SV2C: variants seen among roughly 807,000 people sequenced by gnomAD.
SV2C encodes the protein synaptic vesicle glycoprotein 2C.
Under a neutral mutation model 79.7 loss-of-function variants are expected in SV2C, and 49 were observed. The ratio of observed to expected loss-of-function variants is 0.61; its 90% CI spans 0.49 to 0.78. The LOEUF is 0.78. SV2C is among the 30% of genes least tolerant of loss of function. SV2C has a pLI of 0.00. For missense variants in SV2C, 833 were observed against 912.9 expected (o/e 0.91, Z 1.13); for synonymous variants, 334 against 333.2 (o/e 1.00, Z -0.03).
the SV2C span, among the ~76,000 whole-genome samples, chr5:75,988,835 A>G: frequency 6.6e-6 from 1 of 151,988 alleles, no homozygotes; most frequent in East Asian, 1.9e-4. Flanking sequence ...CTCTACAGAC[A>G]GGATAGAAAT....
chr5:76,295,660 T>A lies in SV2C; in HGVS notation c.1338-118T>A, dbSNP rs1329470541. 7 of 919,832 alleles carry A rather than the reference T, an allele frequency of 7.6e-6. No homozygotes were observed. The Admixed American group carries it at 1.1e-4, about 14-fold the overall frequency. The allele number at this position is 919,832 out of a possible 1,614,324, so 57.0% of individuals were successfully genotyped here. ...TTGCTGTATGATGAATTACTCATAA[T>A]GTTATAGGGAGCCAGCCATTCTCCG... On this transcript the variant is annotated intron_variant, in intron 8 of 12. Coordinates refer to ENST00000502798, the MANE Select transcript of SV2C (RefSeq NM_014979.4).
the SV2C span, among the ~76,000 whole-genome samples, chr5:75,993,687 C>G: frequency 6.6e-6 from 1 of 152,016 alleles, no homozygotes; most frequent in Non-Finnish European, 1.5e-5. Context: ...GAGTTTGCAT[C>G]CTTGTTCTCT....
At chr5:76,307,349 A>T (rs550060329) in intron 12 of SV2C, among the ~76,000 whole-genome samples, 1 of 152,354 alleles carries the variant, frequency 6.6e-6, no homozygotes, top group East Asian at 1.9e-4. Flanking sequence ...AGATACAGAG[A>T]ACAAAAAGCA....
chr5:75,860,504 C>T, the SV2C span, among the ~76,000 whole-genome samples: 4 of 152,094 alleles, frequency 2.6e-5, no homozygotes, highest in East Asian at 3.9e-4. Context: ...ATTAAAGTGG[C>T]CATAGTGCCC....
the SV2C span, among the ~76,000 whole-genome samples, chr5:75,946,125 G>A: frequency 6.6e-6 from 1 of 151,906 alleles, no homozygotes; most frequent in Non-Finnish European, 1.5e-5. Context: ...TCTGTGTAGA[G>A]ATGAAAGAAT....
chr5:76,211,899 G>T (rs1242748931), intron 4 of SV2C, among the ~76,000 whole-genome samples: 2 of 152,152 alleles, frequency 1.3e-5, no homozygotes, highest in Non-Finnish European at 2.9e-5. Context: ...ACAAAAGCAA[G>T]ATATAAGGAA....
chr5:76,127,739 T>C (rs988780750), intron 1 of SV2C, among the ~76,000 whole-genome samples: 1 of 152,120 alleles, frequency 6.6e-6, no homozygotes, highest in Non-Finnish European at 1.5e-5. Flanking sequence ...AACAGGAAGC[T>C]CCTACATTCC....
chr5:76,346,052 A>C (rs984083827), intron 12 of SV2C, among the ~76,000 whole-genome samples: 2 of 152,200 alleles, frequency 1.3e-5, no homozygotes, highest in Admixed American at 6.5e-5. Context: ...ATCTCTCCAG[A>C]TTTGTAGCGT....
the SV2C span, among the ~76,000 whole-genome samples, chr5:75,863,146 A>G: frequency 9.8e-5 from 15 of 152,314 alleles, no homozygotes; most frequent in East Asian, 2.9e-3. Flanking sequence ...GCCTTGATGT[A>G]TAGCATTTGC....
the SV2C span, among the ~76,000 whole-genome samples, chr5:75,980,065 A>G: frequency 6.6e-6 from 1 of 152,220 alleles, no homozygotes; most frequent in Non-Finnish European, 1.5e-5. Flanking sequence ...AGAAATACAC[A>G]CAATCAGAGA....
chr5:75,983,246 T>G, the SV2C span, among the ~76,000 whole-genome samples: 1 of 152,116 alleles, frequency 6.6e-6, no homozygotes, highest in African/African-American at 2.4e-5. Context: ...AAAGAGGATC[T>G]GGTGTGACTA....
Position 76,299,573 on chromosome 5 carries a change from C to A in SV2C, c.1636+646C>A, listed in dbSNP as rs143188698. ...GCCTGTGCCTTCCACTTTCCCACTCCCAAACATTGGTCTGTGTGTCCTATA... is the reference window on the plus strand; with the variant it reads ...GCCTGTGCCTTCCACTTTCCCACTCACAAACATTGGTCTGTGTGTCCTATA... On this transcript the variant is annotated intron_variant, in intron 10 of 12. Transcript: ENST00000502798. Among the ~76,000 whole-genome samples, 1,000 of 152,288 alleles carry A rather than the reference C, an allele frequency of 6.6e-3. 14 individuals carry two copies. Among genetic ancestry groups the A allele is most frequent in the African/African-American group, 0.023 (946 of 41,544 alleles).
intron 2 of SV2C, among the ~76,000 whole-genome samples, chr5:76,153,105 C>T (rs1742605270): frequency 6.6e-6 from 1 of 152,188 alleles, no homozygotes; most frequent in South Asian, 2.1e-4. Context: ...GGGAACGTTG[C>T]TTCCTCCAAA....
At chr5:75,940,298 A>G in the SV2C span, among the ~76,000 whole-genome samples, 20 of 152,210 alleles carry the variant, frequency 1.3e-4, no homozygotes, top group Middle Eastern at 3.4e-3. Context: ...TGGGAGGCAG[A>G]GGTTGCAGTA....
intron 12 of SV2C, among the ~76,000 whole-genome samples, chr5:76,345,018 T>C (rs1218518829): frequency 6.6e-6 from 1 of 152,226 alleles, no homozygotes; most frequent in Non-Finnish European, 1.5e-5. Context: ...GCTACCATAC[T>C]TGCATATTCA....
chr5:76,257,895 G>A (rs1468621041), intron 4 of SV2C, among the ~76,000 whole-genome samples: 3 of 148,104 alleles, frequency 2.0e-5, no homozygotes, highest in Non-Finnish European at 4.5e-5. Flanking sequence ...AACATGTGTG[G>A]TGTGATATAT....
chr5:76,303,232 A>C (rs1748070379), intron 12 of SV2C, among the ~76,000 whole-genome samples: 1 of 152,206 alleles, frequency 6.6e-6, no homozygotes, highest in Non-Finnish European at 1.5e-5. Flanking sequence ...TCCTTCATTC[A>C]TTCAACAAAT....
At chr5:76,125,488 TG>T (rs1244652997) in intron 1 of SV2C, among the ~76,000 whole-genome samples, 18 of 152,300 alleles carry the variant, frequency 1.2e-4, no homozygotes, top group African/African-American at 4.3e-4. Flanking sequence ...ACTGGTGTCA[TG>T]CTGAGGGTGG....
At chr5:76,016,371 C>T in the SV2C span, among the ~76,000 whole-genome samples, 1 of 151,898 alleles carries the variant, frequency 6.6e-6, no homozygotes, top group South Asian at 2.1e-4. Flanking sequence ...ACCTGGGTCC[C>T]AGACCAACCT....
Sources: allele counts gnomAD v4.1 joint callset (sites outside exome capture counted in the v4.1 genomes callset), GRCh38; gene constraint gnomAD v4.1.1; transcripts MANE v1.5; gene names NCBI Gene and HGNC (gene_info 2026-07-23, HGNC 2026-07-21).